The following TMEM169 variants were observed in gnomAD, a reference collection of about 807,000 sequenced individuals.
TMEM169 encodes transmembrane protein 169.
Under a neutral mutation model 27.3 loss-of-function variants are expected in TMEM169, and 18 were observed. The observed-to-expected ratio is 0.66, with a 90% CI of 0.46 to 0.98. The LOEUF (loss-of-function observed/expected upper bound fraction) is 0.98, where lower values mean the gene tolerates loss of function less well. Among genes scored for constraint, TMEM169 ranks in the 50% least tolerant of loss-of-function variants. The pLI is 0.00. For synonymous variants in TMEM169, 136 were observed against 142.1 expected (o/e 0.96, Z 0.30); for missense variants, 320 against 368.6 (o/e 0.87, Z 1.08).
chr2:216,089,066 G>T (rs769457457), intron 1 of TMEM169, among the ~76,000 whole-genome samples: 4 of 152,176 alleles, frequency 2.6e-5, no homozygotes, highest in Admixed American at 6.5e-5. Context: ...AGAGGACAAT[G>T]AATTAAGAAT....
chr2:216,092,268 A>G (rs1456836360), intron 1 of TMEM169, among the ~76,000 whole-genome samples: 1 of 152,192 alleles, frequency 6.6e-6, no homozygotes, highest in Non-Finnish European at 1.5e-5. Context: ...CCCTGGGCTC[A>G]GGAAGCTCTT....
intron 2 of TMEM169, among the ~76,000 whole-genome samples, chr2:216,098,056 G>A (rs1045983790): frequency 6.6e-6 from 1 of 151,950 alleles, no homozygotes; most frequent in African/African-American, 2.4e-5. Flanking sequence ...AGGGAGGATG[G>A]TGAGAGGAGG....
Position 216,102,261 on chromosome 2 carries a change from C to A in TMEM169, c.*1719C>A, listed in dbSNP as rs890436405. ...TCACTCAGAGCTTTACTCCCTCAGA[C>A]CTTTCTGAGTTTAACCACAGACATG... On this transcript the variant is annotated 3_prime_UTR_variant, in exon 3 of 3. Transcript: ENST00000437356. 1.3e-5 allele frequency: 2 copies of A among 152,122 alleles called. No homozygotes were observed. The highest frequency in any genetic ancestry group is 2.9e-5 in the Non-Finnish European group (2 of 68,032). The allele number at this position is 152,122 out of a possible 1,614,324, so 9.4% of individuals were successfully genotyped here. A position where few individuals can be genotyped will look rare whatever the true frequency, so the allele number is the denominator to read the frequency against.
chr2:216,096,705 G>A (rs983015818), intron 2 of TMEM169, among the ~76,000 whole-genome samples: 4 of 152,152 alleles, frequency 2.6e-5, no homozygotes, highest in Admixed American at 2.0e-4. Flanking sequence ...AGTATTTACT[G>A]AGCACCTATT....
chr2:216,100,382 C>T lies in TMEM169; in HGVS notation c.734C>T (p.Ala245Val), dbSNP rs955765066. The change falls in exon 3 of 3, where the codon GCC becomes GTC. Residue 245 changes from alanine (A) to valine (V), a missense_variant. Physicochemically the swap from Ala to Val is moderately conservative, Grantham distance 64. Coordinates refer to ENST00000437356, the MANE Select transcript of TMEM169 (RefSeq NM_001142311.2). Reference protein sequence around the residue: ...SWSWEAWWQAARDMEKGFCGW... With the variant: ...SWSWEAWWQAVRDMEKGFCGW... ...TCCTGGGAAGCATGGTGGCAAGCTG[C>T]CCGGGACATGGAGAAAGGCTTCTGT... The T allele has an allele frequency of 1.2e-6, 2 of 1,613,906 alleles. No individual in the cohort carries two copies. Among genetic ancestry groups the T allele is most frequent in the South Asian group, 2.2e-5 (2 of 91,088 alleles).
In TMEM169 at chr2:216,096,162, G is replaced by A. The variant is rs374430787; in HGVS notation, c.199G>A (p.Gly67Arg). The change falls in exon 2 of 3, where the codon GGA (glycine) becomes AGA (arginine). Residue 67 changes from glycine to arginine, a missense_variant. By Grantham distance (125) the Gly-to-Arg change is moderately radical. Transcript: ENST00000437356. Reference protein sequence around the residue: ...SDNEKTDEEPGESEGGDQPKE... With the variant: ...SDNEKTDEEPRESEGGDQPKE... The stretch of plus-strand genomic sequence containing the variant: ...CAATGAGAAAACAGATGAGGAGCCC[G>A]GAGAATCAGAAGGTGGAGATCAGCC... 4.2e-5 allele frequency: 68 copies of A among 1,614,134 alleles called. 1 individual carries two copies. In the Middle Eastern group the frequency reaches 1.3e-3, roughly 31 times the overall value.
In TMEM169 at chr2:216,102,006, G is replaced by A. The variant is rs1416201259; in HGVS notation, c.*1464G>A. 1 of 152,096 alleles carries A rather than the reference G, an allele frequency of 6.6e-6. No homozygotes were observed. Among genetic ancestry groups the A allele is most frequent in the Non-Finnish European group, 1.5e-5 (1 of 68,030 alleles). The allele number at this position is 152,096 out of a possible 1,614,324, so 9.4% of individuals were successfully genotyped here. A position where few individuals can be genotyped will look rare whatever the true frequency, so the allele number is the denominator to read the frequency against. On this transcript the variant is annotated 3_prime_UTR_variant, in exon 3 of 3. Coordinates refer to ENST00000437356, the MANE Select transcript of TMEM169 (RefSeq NM_001142311.2). ...TCACGTACTTTGCAATTAAGCTTCT[G>A]TAATGTCATGTGATTTGTTTTTGGA...
chr2:216,084,756 C>G (rs572022710), intron 1 of TMEM169, among the ~76,000 whole-genome samples: 263 of 152,234 alleles, frequency 1.7e-3, no homozygotes, highest in African/African-American at 6.0e-3. Flanking sequence ...CGGGGTGGAG[C>G]AGCAGAGCAG....
rs1460720038 is a variant in TMEM169 at position 216,100,842 on chromosome 2, G to A, written c.*300G>A. On this transcript the variant is annotated 3_prime_UTR_variant, in exon 3 of 3. Coordinates refer to ENST00000437356, the MANE Select transcript of TMEM169 (RefSeq NM_001142311.2). ...TTTTGGGAGCCTGGAAGTGTTACTG[G>A]TGCCTGGAACTGAGGGGAGTATGTG... is the stretch of plus-strand genomic sequence containing the variant. 1.9e-5 allele frequency: 8 copies of A among 424,122 alleles called. No homozygotes were observed. The highest frequency in any genetic ancestry group is 3.8e-5 in the Admixed American group (1 of 26,156). 26.3% of individuals were successfully genotyped at this position (424,122 alleles called of 1,614,324 possible).
At chr2:216,090,012 C>G (rs778353399) in intron 1 of TMEM169, among the ~76,000 whole-genome samples, 3 of 152,010 alleles carry the variant, frequency 2.0e-5, no homozygotes, top group Non-Finnish European at 4.4e-5. Flanking sequence ...AAGTGACTTG[C>G]GCGTGTGCGT....
chr2:216,091,556 CAAAAAAAAAAA>C (rs35975278), intron 1 of TMEM169, among the ~76,000 whole-genome samples: 2 of 80,346 alleles, frequency 2.5e-5, no homozygotes, highest in African/African-American at 5.0e-5. Flanking sequence ...GACTCCATCT[CAAAAAAAAAAA>C]AAAAAAAAAA....
At position 216,101,400 on chromosome 2, in the gene TMEM169, G is replaced by C. The variant is rs1696391223; in HGVS notation, c.*858G>C. 6.6e-6 allele frequency: 1 copy of C among 152,264 alleles called. No homozygotes were observed. The highest frequency in any genetic ancestry group is 2.4e-5 in the African/African-American group (1 of 41,464). The allele number at this position is 152,264 out of a possible 1,614,324, so 9.4% of individuals were successfully genotyped here. Reference sequence around the variant, plus strand: ...GGAAATGTAGTTGTTTGGCTGGGTAGCTATATTCTCAGCTAAATACTGGGT... The same window carrying C: ...GGAAATGTAGTTGTTTGGCTGGGTACCTATATTCTCAGCTAAATACTGGGT... On this transcript the variant is annotated 3_prime_UTR_variant, in exon 3 of 3. Coordinates refer to ENST00000437356, the MANE Select transcript of TMEM169 (RefSeq NM_001142311.2).
chr2:216,098,874 C>G (rs576009759), intron 2 of TMEM169, among the ~76,000 whole-genome samples: 1 of 146,364 alleles, frequency 6.8e-6, no homozygotes, highest in African/African-American at 2.5e-5. Flanking sequence ...ATATGGTGTA[C>G]GTATGTGTGC....
chr2:216,099,789 C>T lies in TMEM169; in HGVS notation c.272-131C>T, dbSNP rs1696343207. On this transcript the variant is annotated intron_variant, in intron 2 of 2. Transcript: ENST00000437356. This position sits in a 1 kb window ranked among gnomAD's most constrained non-coding sequence, Gnocchi z 5.0. Reference sequence around the variant, plus strand: ...ACCCACTCAGTCCGCCATTGAATCACTGACTCAGGACTGTGCCAGATGGTG... The same window carrying T: ...ACCCACTCAGTCCGCCATTGAATCATTGACTCAGGACTGTGCCAGATGGTG... The T allele has an allele frequency of 1.6e-6, 2 of 1,265,828 alleles. No individual in the cohort carries two copies. Among genetic ancestry groups the T allele is most frequent in the Admixed American group, 2.3e-5 (1 of 43,442 alleles). 78.4% of individuals were successfully genotyped at this position (1,265,828 alleles called of 1,614,324 possible). A position where few individuals can be genotyped will look rare whatever the true frequency, so the allele number is the denominator to read the frequency against.
intron 1 of TMEM169, among the ~76,000 whole-genome samples, chr2:216,091,266 C>A (rs1467337410): frequency 6.6e-6 from 1 of 152,040 alleles, no homozygotes; most frequent in African/African-American, 2.4e-5. Flanking sequence ...GATTAGTGCC[C>A]CCATAAAAGA....
chr2:216,091,043 G>A (rs902375496), intron 1 of TMEM169, among the ~76,000 whole-genome samples: 4 of 152,220 alleles, frequency 2.6e-5, no homozygotes, highest in African/African-American at 9.6e-5. Flanking sequence ...ACTCACACTA[G>A]TGTGAAAGTC....
chr2:216,082,908 C>G (rs943383745), intron 1 of TMEM169: 16 of 152,282 alleles, frequency 1.1e-4, no homozygotes, highest in African/African-American at 3.6e-4. Context: ...CAAATAAATG[C>G]CATCATCCTT....
chr2:216,099,795 C>T lies in TMEM169; in HGVS notation c.272-125C>T. On this transcript the variant is annotated intron_variant, in intron 2 of 2. Coordinates refer to ENST00000437356, the MANE Select transcript of TMEM169 (RefSeq NM_001142311.2). This position sits in a 1 kb window ranked among gnomAD's most constrained non-coding sequence, Gnocchi z 5.0. ...TCAGTCCGCCATTGAATCACTGACTCAGGACTGTGCCAGATGGTGTAAAAA... is the reference window on the plus strand; with the variant it reads ...TCAGTCCGCCATTGAATCACTGACTTAGGACTGTGCCAGATGGTGTAAAAA... 2 of 1,321,118 alleles carry T rather than the reference C, an allele frequency of 1.5e-6. No homozygotes were observed. Among genetic ancestry groups the T allele is most frequent in the Non-Finnish European group, 2.1e-6 (2 of 964,186 alleles). The allele number at this position is 1,321,118 out of a possible 1,614,324, so 81.8% of individuals were successfully genotyped here. A position where few individuals can be genotyped will look rare whatever the true frequency, so the allele number is the denominator to read the frequency against.
At chr2:216,088,873 A>G (rs937342055) in intron 1 of TMEM169, among the ~76,000 whole-genome samples, 1 of 152,122 alleles carries the variant, frequency 6.6e-6, no homozygotes, top group Non-Finnish European at 1.5e-5. Context: ...TCTGCTGTAA[A>G]TAAAGATGAG....
Sources: allele counts gnomAD v4.1 joint callset (sites outside exome capture counted in the v4.1 genomes callset), GRCh38; gene constraint gnomAD v4.1.1; non-coding constraint Gnocchi (gnomAD v3.1); transcripts MANE v1.5; gene names NCBI Gene and HGNC (gene_info 2026-07-23, HGNC 2026-07-21).